CLIP1: variants seen among roughly 807,000 people sequenced by gnomAD.
CLIP1 encodes CAP-Gly domain containing linker protein 1.
A neutral mutation model predicts 161.6 loss-of-function variants in CLIP1; 66 were observed. The ratio of observed to expected loss-of-function variants is 0.41; its 90% CI spans 0.33 to 0.50. CLIP1 has a LOEUF of 0.50. Among genes scored for constraint, CLIP1 ranks in the 20% least tolerant of loss-of-function variants. The pLI, the probability that CLIP1 is intolerant of heterozygous loss-of-function variation, is 0.27. For missense variants in CLIP1, 1,376 were observed against 1,702.0 expected (o/e 0.81, Z 3.37); for synonymous variants, 598 against 626.2 (o/e 0.96, Z 0.67).
At chr12:122,346,432 T>C (rs1952751489) in intron 10 of CLIP1, among the ~76,000 whole-genome samples, 1 of 152,172 alleles carries the variant, frequency 6.6e-6, no homozygotes, top group Admixed American at 6.5e-5. Context: ...CTAAGCACAA[T>C]GAGCTCAGGG....
Position 122,361,022 on chromosome 12 carries a change from A to G in CLIP1, c.942T>C (p.Ser314=), listed in dbSNP as rs1953763570. The G allele has an allele frequency of 6.2e-7, 1 of 1,614,214 alleles. No individual in the cohort carries two copies. Among genetic ancestry groups the G allele is most frequent in the Non-Finnish European group, 8.5e-7 (1 of 1,180,036 alleles). The change falls in exon 5 of 26, where the codon TCT becomes TCC. Residue 314 remains serine (S), a synonymous_variant. Transcript: ENST00000620786. The part of the protein sequence containing the change: ...SASLKRSPSA[S]SLSSMSSVAS... Reference sequence around the variant, plus strand: ...CCACTGAGCTCATGGAGCTGAGGGAAGAGGCAGAAGGGCTGCGCTTCAGGC... The same window carrying G: ...CCACTGAGCTCATGGAGCTGAGGGAGGAGGCAGAAGGGCTGCGCTTCAGGC...
Position 122,354,570 on chromosome 12 carries a change from G to A in CLIP1, c.1204-14C>T, listed in dbSNP as rs1953234324. 6.2e-6 allele frequency: 10 copies of A among 1,602,252 alleles called. No individual in the cohort carries two copies. The highest frequency in any genetic ancestry group is 7.7e-6 in the Non-Finnish European group (9 of 1,169,732). ...TTCCAGGACATGCTGGGGAAGGCAAGAATGTCGGTAAATGGACTATTTCTG... is the reference window on the plus strand; with the variant it reads ...TTCCAGGACATGCTGGGGAAGGCAAAAATGTCGGTAAATGGACTATTTCTG... On this transcript the variant is annotated splice_polypyrimidine_tract_variant and intron_variant, in intron 6 of 25. Transcript: ENST00000620786.
intron 15 of CLIP1, among the ~76,000 whole-genome samples, chr12:122,329,436 C>A (rs1474348026): frequency 6.6e-6 from 1 of 151,984 alleles, no homozygotes; most frequent in Non-Finnish European, 1.5e-5. Flanking sequence ...TAAGACCATC[C>A]TGGCTAACAC....
intron 11 of CLIP1, among the ~76,000 whole-genome samples, chr12:122,338,610 G>A (rs57785455): frequency 0.013 from 1,972 of 151,900 alleles, 45 homozygotes; most frequent in African/African-American, 0.04. Flanking sequence ...CTGGCTACTC[G>A]GGAGGCTGAG....
At chr12:122,333,232 C>A in intron 14 of CLIP1, 89 bp from the exon 15 acceptor site, 1 of 937,900 alleles carries the variant, frequency 1.1e-6, no homozygotes, top group Admixed American at 2.7e-5. Context: ...AATATTTTCA[C>A]ACAGCAATTC....
intron 8 of CLIP1, among the ~76,000 whole-genome samples, chr12:122,352,290 C>A (rs1005982377): frequency 6.6e-6 from 1 of 152,066 alleles, no homozygotes. Flanking sequence ...CTCCTGACCT[C>A]GGGTGATCCA....
At chr12:122,398,898 A>AT (rs1422040689) in intron 1 of CLIP1, among the ~76,000 whole-genome samples, 2 of 147,570 alleles carry the variant, frequency 1.4e-5, no homozygotes, top group Non-Finnish European at 3.0e-5. Context: ...TAGAAAATAT[A>AT]TATTTTAATA....
chr12:122,377,511 G>T lies in CLIP1; in HGVS notation c.535C>A (p.Pro179Thr), dbSNP rs373177135. The part of the protein sequence containing the change: ...QKPSQPAAKE[P>T]SATPPISNLT... ...TTGCTGATCGGAGGCGTAGCTGAAG[G>T]TTCCTTTGCTGCTGGCTGTGATGGT... Residue 179 changes from proline to threonine, a missense_variant, in exon 3 of 26, where the codon CCT becomes ACT. Around this residue, in one of 6 missense-constraint regions of CLIP1, gnomAD observed 119 missense variants for 112.0 expected, o/e 1.06. Coordinates refer to ENST00000620786, the MANE Select transcript of CLIP1 (RefSeq NM_001247997.2). 2.5e-6 allele frequency: 4 copies of T among 1,614,096 alleles called. No individual in the cohort carries two copies. Among genetic ancestry groups the T allele is most frequent in the Admixed American group, 1.7e-5 (1 of 59,980 alleles).
intron 5 of CLIP1, among the ~76,000 whole-genome samples, chr12:122,357,174 G>T (rs61954415): frequency 6.7e-6 from 1 of 148,946 alleles, no homozygotes; most frequent in Non-Finnish European, 1.5e-5. Flanking sequence ...CCCGGCCGCC[G>T]TCCCATCTAG....
intron 7 of CLIP1, 70 bp from the exon 8 acceptor site, chr12:122,352,856 A>G (rs989472946): frequency 7.4e-7 from 1 of 1,358,956 alleles, no homozygotes; most frequent in Middle Eastern, 1.8e-4. Flanking sequence ...AAACAAAACA[A>G]ACAAACAAAA....
chr12:122,415,468 T>C (rs10846835), intron 1 of CLIP1, among the ~76,000 whole-genome samples: 112,453 of 140,928 alleles, frequency 0.8, 44,531 homozygotes, highest in East Asian at 0.86. Flanking sequence ...GGCGACAGAG[T>C]GAGACTCCAT....
At chr12:122,281,484 C>G (rs116122814) in intron 21 of CLIP1, among the ~76,000 whole-genome samples, 1 of 151,608 alleles carries the variant, frequency 6.6e-6, no homozygotes, top group Non-Finnish European at 1.5e-5. Context: ...GCCAGGAGTT[C>G]GAGACCAGCC....
intron 3 of CLIP1, chr12:122,364,798 G>C (rs115476093): frequency 1.6e-4 from 172 of 1,042,716 alleles, no homozygotes; most frequent in Non-Finnish European, 2.3e-4. Context: ...AACACAAAGC[G>C]AAAGAGGAGA....
intron 11 of CLIP1, among the ~76,000 whole-genome samples, chr12:122,338,779 A>G (rs1355799458): frequency 1.3e-5 from 2 of 152,210 alleles, no homozygotes; most frequent in African/African-American, 2.4e-5. Context: ...CTTGGCTTTC[A>G]TGAAATCTTG....
At chr12:122,335,096 AGTTT>A (rs565038222) in intron 12 of CLIP1, among the ~76,000 whole-genome samples, 94 of 152,322 alleles carry the variant, frequency 6.2e-4, no homozygotes, top group African/African-American at 2.1e-3. Context: ...AAAGCTCTGA[AGTTT>A]GTTATTTCTG....
chr12:122,281,713 G>GA (rs199829800), intron 21 of CLIP1, among the ~76,000 whole-genome samples: 6 of 146,914 alleles, frequency 4.1e-5, no homozygotes, highest in African/African-American at 7.5e-5. Flanking sequence ...GACCCCGTCT[G>GA]AAAAAAAAAA....
intron 1 of CLIP1, among the ~76,000 whole-genome samples, chr12:122,416,979 T>C (rs1956777391): frequency 6.6e-6 from 1 of 150,494 alleles, no homozygotes; most frequent in Admixed American, 6.6e-5. Context: ...GGTGGGAGGA[T>C]CTCTTGAGGC....
intron 21 of CLIP1, among the ~76,000 whole-genome samples, chr12:122,284,574 AC>A (rs1955775809): frequency 6.6e-6 from 1 of 151,512 alleles, no homozygotes; most frequent in Admixed American, 6.6e-5. Context: ...CTGGTCTCAA[AC>A]TCCTGACCTC....
At chr12:122,351,254 G>C in intron 8 of CLIP1, 111 bp from the exon 9 acceptor site, 2 of 696,524 alleles carry the variant, frequency 2.9e-6, no homozygotes, top group Non-Finnish European at 4.5e-6. Flanking sequence ...TTTCAAGTAA[G>C]TTTATCAGAC....
Sources: gnomAD v4.1 joint callset for allele counts (sites outside exome capture counted in the v4.1 genomes callset) on GRCh38, gnomAD v4.1.1 for gene constraint, gnomAD v4.1.1 regional missense constraint, MANE v1.5 for transcripts, NCBI Gene and HGNC (gene_info 2026-07-23, HGNC 2026-07-21) for gene names.